The following NPLOC4 variants were observed in gnomAD, a reference collection of about 807,000 sequenced individuals.
The protein encoded by NPLOC4 is NPL4 homolog, ubiquitin recognition factor, also known as nuclear protein localization protein 4 homolog.
NPLOC4 carries 18 observed loss-of-function variants against 80.6 expected under a neutral mutation model. The observed-to-expected ratio is 0.22, with a 90% CI of 0.15 to 0.33. NPLOC4 has a LOEUF of 0.33. NPLOC4 is among the 10% of genes least tolerant of loss of function. NPLOC4 has a pLI of 1.00. For missense variants in NPLOC4, 540 were observed against 786.1 expected (o/e 0.69, Z 3.74); for synonymous variants, 313 against 301.5 (o/e 1.04, Z -0.39).
chr17:81,619,660 C>G (rs566122608), intron 3 of NPLOC4, among the ~76,000 whole-genome samples: 3 of 151,968 alleles, frequency 2.0e-5, no homozygotes, highest in African/African-American at 7.2e-5. Context: ...GGGTGAATCA[C>G]TTGAGGTCAA....
chr17:81,629,986 T>C (rs1295091057), intron 1 of NPLOC4, 181 bp from the exon 2 acceptor site: 1 of 559,800 alleles, frequency 1.8e-6, no homozygotes, highest in Non-Finnish European at 3.2e-6. Context: ...GTGAGATTCA[T>C]CAACATATGG....
In NPLOC4 at chr17:81,608,628, T is replaced by G. The variant is rs1376554735; in HGVS notation, c.530+100A>C. On this transcript the variant is annotated intron_variant, in intron 6 of 16. Transcript: ENST00000331134. ...TTCAAAGGCGTGTGACCCCTTCTCA[T>G]CTTTACTTCTCTCATTCACACGTTC... is the stretch of plus-strand genomic sequence containing the variant. 8.6e-6 allele frequency: 7 copies of G among 817,628 alleles called. No homozygotes were observed. The East Asian group carries it at 1.9e-4, about 22-fold the overall frequency. The allele number at this position is 817,628 out of a possible 1,614,324, so 50.6% of individuals were successfully genotyped here. A position where few individuals can be genotyped will look rare whatever the true frequency, so the allele number is the denominator to read the frequency against.
At position 81,559,835 on chromosome 17, in the gene NPLOC4, C is replaced by T. The variant is rs570687745; in HGVS notation, c.1670-419G>A. Among the ~76,000 whole-genome samples the T allele has an allele frequency of 2.0e-5, 3 of 149,268 alleles. No individual in the cohort carries two copies. In the South Asian group the frequency reaches 6.4e-4, roughly 32 times the overall value. On this transcript the variant is annotated intron_variant, in intron 16 of 16. Transcript: ENST00000331134. ...GCAACCTCCACCTCCCGGGTTCAAG[C>T]GGTTTTCCTGCCTCAGCCTCCCAAG...
rs2034037490 is a variant in NPLOC4 at position 81,567,260 on chromosome 17, C to T, written c.1566+157G>A. The stretch of plus-strand genomic sequence containing the variant: ...CTTGTGAAAAGCTGCTGCCTACACT[C>T]TGCCCATAGGACAAATGAGGGGGAC... On this transcript the variant is annotated intron_variant, in intron 15 of 16. Transcript: ENST00000331134. The surrounding 1 kb of genome is among the most constrained non-coding windows in gnomAD (Gnocchi z 4.5). Among the ~76,000 whole-genome samples the T allele has an allele frequency of 6.6e-6, 1 of 152,232 alleles. No homozygotes were observed. The highest frequency in any genetic ancestry group is 2.1e-4 in the South Asian group (1 of 4,834).
intron 2 of NPLOC4, among the ~76,000 whole-genome samples, chr17:81,627,873 T>C (rs565315590): frequency 6.6e-6 from 1 of 151,072 alleles, no homozygotes; most frequent in South Asian, 2.1e-4. Context: ...GAGGCGGAGG[T>C]TGCACTGAGC....
intron 12 of NPLOC4, among the ~76,000 whole-genome samples, chr17:81,576,817 C>T (rs555784060): frequency 6.6e-6 from 1 of 152,142 alleles, no homozygotes; most frequent in Non-Finnish European, 1.5e-5. Flanking sequence ...GCACAGAGAG[C>T]GGGGTCCTGG....
intron 16 of NPLOC4, 73 bp downstream of exon 16, chr17:81,565,432 G>T: frequency 7.9e-7 from 1 of 1,259,260 alleles, no homozygotes; most frequent in Non-Finnish European, 1.1e-6. Flanking sequence ...CACCGGCAGT[G>T]GGGAGCTGTG....
chr17:81,625,462 C>T (rs1368239521), intron 2 of NPLOC4, among the ~76,000 whole-genome samples: 1 of 152,096 alleles, frequency 6.6e-6, no homozygotes. Context: ...ATGTGAATCT[C>T]GGTAAAGAAA....
intron 8 of NPLOC4, 96 bp from the exon 9 acceptor site, chr17:81,600,523 T>TCC (rs2035034665): frequency 7.0e-6 from 6 of 862,744 alleles, no homozygotes. Context: ...TCACAAGGAG[T>TCC]GCTGGGGGCC....
At chr17:81,618,419 C>T (rs1387312084) in intron 3 of NPLOC4, among the ~76,000 whole-genome samples, 5 of 148,710 alleles carry the variant, frequency 3.4e-5, no homozygotes, top group African/African-American at 9.9e-5. Flanking sequence ...CCCTCCGCCC[C>T]GCAGCCGCCC....
At chr17:81,627,089 CA>C (rs879270535) in intron 2 of NPLOC4, among the ~76,000 whole-genome samples, 136 of 123,886 alleles carry the variant, frequency 1.1e-3, no homozygotes, top group Admixed American at 1.4e-3. Flanking sequence ...GACTTCGTCT[CA>C]AAAAAAAAAA....
rs1555680405 is a variant in NPLOC4 at position 81,581,375 on chromosome 17, A to AAAAAAAAAAAATC, written c.1281+7568_1281+7569insGATTTTTTTTTTT. On this transcript the variant is annotated intron_variant, in intron 12 of 16. Transcript: ENST00000331134. Reference sequence around the variant, plus strand: ...AAAAAAAAAAAAAAAAAAAAAAAAAAAGTTAATAAAATCACCATGTCACAA... The same window carrying AAAAAAAAAAAATC: ...AAAAAAAAAAAAAAAAAAAAAAAAAAAAAAAAAAAAATCAGTTAATAAAATCACCATGTCACAA... Among the ~76,000 whole-genome samples the AAAAAAAAAAAATC allele has an allele frequency of 2.7e-5, 2 of 72,806 alleles. 1 individual carries two copies. The highest frequency in any genetic ancestry group is 5.7e-5 in the Non-Finnish European group (2 of 34,994). 47.8% of individuals were successfully genotyped at this position (72,806 alleles called of 152,430 possible).
chr17:81,628,614 A>G (rs78608009), intron 2 of NPLOC4, among the ~76,000 whole-genome samples: 5,263 of 152,300 alleles, frequency 0.035, 226 homozygotes, highest in East Asian at 0.22. Flanking sequence ...TACCTACAAC[A>G]AAGGCTAATG....
chr17:81,637,074 C>T lies in NPLOC4; in HGVS notation c.-144G>A. 2 of 399,284 alleles carry T rather than the reference C, an allele frequency of 5.0e-6. No individual in the cohort carries two copies. The highest frequency in any genetic ancestry group is 9.8e-5 in the Admixed American group (2 of 20,484). 24.7% of individuals were successfully genotyped at this position (399,284 alleles called of 1,614,324 possible). A position where few individuals can be genotyped will look rare whatever the true frequency, so the allele number is the denominator to read the frequency against. On this transcript the variant is annotated 5_prime_UTR_variant, in exon 1 of 17. Transcript: ENST00000331134. ...CGCCGCTCCAGCTTCGCCCGCCCGG[C>T]TCCGCCAGCCGCCGACGTCCCGGTG...
intron 11 of NPLOC4, among the ~76,000 whole-genome samples, chr17:81,594,655 G>A (rs962864237): frequency 6.6e-6 from 1 of 151,870 alleles, no homozygotes; most frequent in African/African-American, 2.4e-5. Flanking sequence ...GGCTCCTATA[G>A]TCCCAGCTAC....
chr17:81,632,584 G>C (rs1289966125), intron 1 of NPLOC4, among the ~76,000 whole-genome samples: 2 of 152,068 alleles, frequency 1.3e-5, no homozygotes, highest in Non-Finnish European at 2.9e-5. Flanking sequence ...AAAGTGCTGG[G>C]ATTACAGGTG....
At chr17:81,595,523 T>G (rs1024265692) in intron 11 of NPLOC4, among the ~76,000 whole-genome samples, 2 of 95,042 alleles carry the variant, frequency 2.1e-5, no homozygotes, top group African/African-American at 6.9e-5. Flanking sequence ...TACATATACA[T>G]ATATATATAT....
At chr17:81,590,948 C>A (rs2034721259) in intron 11 of NPLOC4, among the ~76,000 whole-genome samples, 2 of 152,180 alleles carry the variant, frequency 1.3e-5, no homozygotes, top group Non-Finnish European at 2.9e-5. Context: ...GCCCCAAACT[C>A]AAATGCTCAG....
chr17:81,586,038 ACT>A (rs1386291468), intron 12 of NPLOC4, among the ~76,000 whole-genome samples: 1 of 151,968 alleles, frequency 6.6e-6, no homozygotes, highest in African/African-American at 2.4e-5. Flanking sequence ...TAATCCCAGC[ACT>A]CTGTGAGGCT....
Sources: allele counts gnomAD v4.1 joint callset (sites outside exome capture counted in the v4.1 genomes callset), GRCh38; gene constraint gnomAD v4.1.1; non-coding constraint Gnocchi (gnomAD v3.1); transcripts MANE v1.5; gene names NCBI Gene and HGNC (gene_info 2026-07-23, HGNC 2026-07-21).